Variants in GABRA3 observed in about 807,000 individuals in gnomAD.
The protein encoded by GABRA3 is gamma-aminobutyric acid type A receptor subunit alpha3, also known as gamma-aminobutyric acid receptor subunit alpha-3.
GABRA3 carries 10 observed loss-of-function variants against 30.1 expected under a neutral mutation model. That is an observed-to-expected ratio of 0.33 (90% CI 0.20 to 0.56). The LOEUF is 0.56. GABRA3 is among the 20% of genes least tolerant of loss of function. GABRA3 has a pLI of 0.89. For synonymous variants in GABRA3, 151 were observed against 146.8 expected, an observed-to-expected ratio of 1.03 and a Z score of -0.21; for missense variants, 233 against 392.0, an observed-to-expected ratio of 0.59 and a Z score of 3.42.
In GABRA3 at chrX:152,443,721, T is replaced by C. The variant is rs191315882; in HGVS notation, c.-27+7425A>G. Among the ~76,000 whole-genome samples the C allele has an allele frequency of 2.8e-3, 314 of 111,245 alleles. 12 individuals are homozygous for C. The highest frequency in any genetic ancestry group is 0.023 in the Admixed American group (245 of 10,479). ...AAGAGTGAGTGTTGGAAAAGATGGG[T>C]TTGCATTTTTATGTGAGATCATTTA... is the stretch of plus-strand genomic sequence containing the variant. On this transcript the variant is annotated intron_variant, in intron 1 of 9. Transcript: ENST00000370314.
intron 1 of GABRA3, among the ~76,000 whole-genome samples, chrX:152,447,771 A>G (rs951342692): frequency 8.9e-6 from 1 of 112,296 alleles, no homozygotes; most frequent in African/African-American, 3.2e-5. Context: ...CTGTAGGGTA[A>G]AAGATCATGA....
intron 9 of GABRA3, among the ~76,000 whole-genome samples, chrX:152,180,902 C>G (rs1448522957): frequency 8.9e-6 from 1 of 112,054 alleles, no homozygotes; most frequent in African/African-American, 3.2e-5. Flanking sequence ...CTCTGTGTGT[C>G]TGTTTTATGC....
chrX:152,235,920 C>T lies in GABRA3; in HGVS notation c.552-11075G>A, dbSNP rs564561102. The stretch of plus-strand genomic sequence containing the variant: ...TGAAAGCAATCTTAAGCAAAAATAA[C>T]AAATCAAAAAGAACAAAGCATTGCA... On this transcript the variant is annotated intron_variant, in intron 5 of 9. Transcript: ENST00000370314. Among the ~76,000 whole-genome samples, 29 of 101,305 alleles carry T rather than the reference C, an allele frequency of 2.9e-4. No homozygotes were observed. In the South Asian group the frequency reaches 0.013, roughly 45 times the overall value. 88.0% of individuals were successfully genotyped at this position (101,305 alleles called of 115,157 possible).
At chrX:152,291,486 A>G (rs1461801232) in intron 3 of GABRA3, among the ~76,000 whole-genome samples, 1 of 111,433 alleles carries the variant, frequency 9.0e-6, no homozygotes, top group Non-Finnish European at 1.9e-5. Flanking sequence ...CTCTTTTCCT[A>G]ATTGAATACC....
intron 4 of GABRA3, among the ~76,000 whole-genome samples, chrX:152,263,692 A>T (rs1938771636): frequency 8.9e-6 from 1 of 111,915 alleles, no homozygotes; most frequent in Non-Finnish European, 1.9e-5. Context: ...AGAATATTCC[A>T]AACCCAGAGA....
At chrX:152,219,517 C>A (rs1218740508) in intron 6 of GABRA3, among the ~76,000 whole-genome samples, 3 of 111,245 alleles carry the variant, frequency 2.7e-5, no homozygotes, top group Non-Finnish European at 5.7e-5. Context: ...AGAATTAAAG[C>A]TTAACAATAG....
In GABRA3 at chrX:152,284,739, C is replaced by T. The variant is rs758101439; in HGVS notation, c.263-4G>A. 10 of 1,172,639 alleles carry T rather than the reference C, an allele frequency of 8.5e-6. No homozygotes were observed. In the Admixed American group the frequency reaches 1.6e-4, roughly 18 times the overall value. ...GTCTTCACTTCAGTCACTGCATCTG[C>T]GTGAAAGAAAGTAGAAAAGCAGAAT... is the stretch of plus-strand genomic sequence containing the variant. On this transcript the variant is annotated splice_region_variant and splice_polypyrimidine_tract_variant and intron_variant, in intron 3 of 9. Transcript: ENST00000370314.
intron 3 of GABRA3, among the ~76,000 whole-genome samples, chrX:152,298,579 G>A (rs1333769047): frequency 1.8e-5 from 2 of 110,328 alleles, no homozygotes; most frequent in Non-Finnish European, 3.8e-5. Flanking sequence ...GCTGCATAGT[G>A]TTCCATGGTG....
intron 3 of GABRA3, among the ~76,000 whole-genome samples, chrX:152,311,267 T>A (rs182594209): frequency 5.3e-4 from 59 of 111,172 alleles, no homozygotes; most frequent in African/African-American, 1.8e-3. Flanking sequence ...AAAGAAAGCT[T>A]CAGCCAATAT....
intron 5 of GABRA3, 80 bp from the exon 6 acceptor site, chrX:152,224,925 C>G: frequency 1.5e-6 from 1 of 647,001 alleles, no homozygotes; most frequent in Non-Finnish European, 2.4e-6. Flanking sequence ...CACTCAGTTC[C>G]TAAGAATAAC....
chrX:152,293,509 C>T (rs746784778), intron 3 of GABRA3, among the ~76,000 whole-genome samples: 14 of 111,179 alleles, frequency 1.3e-4, no homozygotes, highest in Non-Finnish European at 2.3e-4. Context: ...GACTCTCTAT[C>T]CAATTTGTCA....
chrX:152,245,433 C>T (rs1168375505), intron 5 of GABRA3, among the ~76,000 whole-genome samples: 9 of 111,094 alleles, frequency 8.1e-5, no homozygotes, highest in Non-Finnish European at 1.7e-4. Flanking sequence ...ACATTAGTCA[C>T]GAGAATGCCA....
chrX:152,313,530 A>G (rs1180186929), intron 3 of GABRA3, among the ~76,000 whole-genome samples: 1 of 111,758 alleles, frequency 8.9e-6, no homozygotes, highest in Non-Finnish European at 1.9e-5. Flanking sequence ...ATGTTCTCTC[A>G]GGTTTTTAAG....
chrX:152,262,411 CCTCTTGAA>C (rs1446240029), intron 4 of GABRA3, among the ~76,000 whole-genome samples: 1 of 112,365 alleles, frequency 8.9e-6, no homozygotes, highest in Non-Finnish European at 1.9e-5. Context: ...TGCTCTGTCA[CCTCTTGAA>C]TGCTTTGCCA....
chrX:152,328,194 G>T (rs935939649), intron 3 of GABRA3, among the ~76,000 whole-genome samples: 10 of 111,554 alleles, frequency 9.0e-5, no homozygotes, highest in African/African-American at 1.3e-4. Context: ...CTCTGAAATT[G>T]AGGCAATAAT....
chrX:152,356,558 T>A (rs1467328396), intron 2 of GABRA3, among the ~76,000 whole-genome samples: 1 of 112,040 alleles, frequency 8.9e-6, no homozygotes, highest in East Asian at 2.8e-4. Flanking sequence ...GTGCTTTTTA[T>A]GATTAACCAA....
At chrX:152,214,131 G>A (rs1937673824) in intron 6 of GABRA3, among the ~76,000 whole-genome samples, 1 of 110,748 alleles carries the variant, frequency 9.0e-6, no homozygotes, top group Non-Finnish European at 1.9e-5. Context: ...CTGTATCCAT[G>A]TGTATCCATT....
chrX:152,200,006 C>A (rs1002903230), intron 7 of GABRA3, among the ~76,000 whole-genome samples: 29 of 112,044 alleles, frequency 2.6e-4, no homozygotes, highest in African/African-American at 9.1e-4. Flanking sequence ...AGCTTTCTAA[C>A]TGGTCTCCTT....
chrX:152,203,626 T>C (rs1937509213), intron 7 of GABRA3, among the ~76,000 whole-genome samples: 1 of 111,894 alleles, frequency 8.9e-6, no homozygotes, highest in Admixed American at 9.5e-5. Flanking sequence ...TAGGTGGGGC[T>C]GCCTTCACTT....
Sources: allele counts gnomAD v4.1 joint callset (sites outside exome capture counted in the v4.1 genomes callset), GRCh38; gene constraint gnomAD v4.1.1; transcripts MANE v1.5; gene names NCBI Gene and HGNC (gene_info 2026-07-23, HGNC 2026-07-21).